The following PTGDS variants were observed in gnomAD, a reference collection of about 807,000 sequenced individuals.
PTGDS encodes prostaglandin-H2 D-isomerase.
Under a neutral mutation model 28.4 loss-of-function variants are expected in PTGDS, and 21 were observed. That is an observed-to-expected ratio of 0.74 (90% confidence interval 0.52 to 1.07). The LOEUF is 1.07. Ranked by LOEUF, PTGDS falls within the 50% of genes least tolerant of loss-of-function variation. The pLI, the probability that PTGDS is intolerant of heterozygous loss-of-function variation, is 0.00. For missense variants in PTGDS, 243 were observed against 247.7 expected, an observed-to-expected ratio of 0.98 and a Z score of 0.13; for synonymous variants, 102 against 106.0, an observed-to-expected ratio of 0.96 and a Z score of 0.23.
In PTGDS at chr9:136,979,922, C is replaced by T. The variant is rs369826322; in HGVS notation, c.332-24C>T. 3.7e-6 allele frequency: 6 copies of T among 1,604,710 alleles called. No homozygotes were observed. The African/African-American group carries it at 5.4e-5, about 14-fold the overall frequency. On this transcript the variant is annotated intron_variant, in intron 3 of 6. Transcript: ENST00000371625. The stretch of plus-strand genomic sequence containing the variant: ...GAGGTTTGGGGGGCTGAGTCCCCGA[C>T]AGGGTTGTCTCTTGGGTTCCCAGAC...
intron 1 of PTGDS, 81 bp downstream of exon 1, chr9:136,977,773 TGG>T: frequency 7.8e-7 from 1 of 1,276,882 alleles, no homozygotes. Flanking sequence ...GTCTTCCCCC[TGG>T]GAGGAGTGAG....
chr9:136,980,550 G>C (rs2131398126), intron 5 of PTGDS: 2 of 1,114,472 alleles, frequency 1.8e-6, no homozygotes, highest in South Asian at 3.3e-5. Context: ...CAGCCTGGTG[G>C]GGGGCATAGG....
At chr9:136,980,727 G>T in intron 5 of PTGDS, 106 bp from the exon 6 acceptor site, 1 of 1,612,656 alleles carries the variant, frequency 6.2e-7, no homozygotes, top group Non-Finnish European at 8.5e-7. Flanking sequence ...CAGTTTGGGG[G>T]CTCAGTCAAG....
At chr9:136,978,200 A>T (rs1277176079) in intron 1 of PTGDS, among the ~76,000 whole-genome samples, 1 of 151,332 alleles carries the variant, frequency 6.6e-6, no homozygotes, top group Non-Finnish European at 1.5e-5. Context: ...GGCGTCGAGG[A>T]GAACCCCAGC....
chr9:136,978,884 C>A, intron 1 of PTGDS, 109 bp from the exon 2 acceptor site: 1 of 1,334,466 alleles, frequency 7.5e-7, no homozygotes, highest in Non-Finnish European at 9.7e-7. Flanking sequence ...GGCGTGGGGG[C>A]GGGGCCGGGT....
Position 136,977,618 on chromosome 9 carries a change from C to T in PTGDS, c.40C>T (p.Leu14=), listed in dbSNP as rs150560538. The T allele has an allele frequency of 6.8e-4, 1,096 of 1,609,588 alleles. 5 individuals are homozygous for T. The highest frequency in any genetic ancestry group is 2.8e-3 in the Middle Eastern group (17 of 6,050). ...CACACTGTGGATGGGACTGGCCCTGCTGGGGGTGCTGGGCGACCTGCAGGC... is the reference window on the plus strand; with the variant it reads ...CACACTGTGGATGGGACTGGCCCTGTTGGGGGTGCTGGGCGACCTGCAGGC... The part of the protein sequence containing the change: ...HHTLWMGLAL[L]GVLGDLQAAP... Residue 14 remains leucine (L), a synonymous_variant, in exon 1 of 7, where the codon CTG becomes TTG. Transcript: ENST00000371625.
Position 136,978,037 on chromosome 9 carries a change from C to A in PTGDS, c.114+345C>A, listed in dbSNP as rs1382525301. Among the ~76,000 whole-genome samples the A allele has an allele frequency of 5.3e-5, 8 of 152,148 alleles. No individual in the cohort carries two copies. In the East Asian group the frequency reaches 1.5e-3, roughly 29 times the overall value. On this transcript the variant is annotated intron_variant, in intron 1 of 6. Transcript: ENST00000371625. ...CCACACCTGGGTGCCAGGACACGGG[C>A]GGGTGGGGCACAGGGATGGCGACAA... is the stretch of plus-strand genomic sequence containing the variant.
At chr9:136,979,476 C>G (rs1411600609) in intron 3 of PTGDS, 177 bp downstream of exon 3, 1 of 1,530,876 alleles carries the variant, frequency 6.5e-7, no homozygotes, top group Non-Finnish European at 8.8e-7. Flanking sequence ...GTGTTAGGGA[C>G]AGAGAGACCC....
chr9:136,977,826 G>A (rs1013682593), intron 1 of PTGDS, 134 bp downstream of exon 1: 12 of 856,946 alleles, frequency 1.4e-5, no homozygotes, highest in Admixed American at 6.8e-5. Context: ...CAGGGACTGA[G>A]CGGGCGCGCA....
chr9:136,977,700 G>A lies in PTGDS; in HGVS notation c.114+8G>A. 7 of 1,575,214 alleles carry A rather than the reference G, an allele frequency of 4.4e-6. No homozygotes were observed. Among genetic ancestry groups the A allele is most frequent in the Non-Finnish European group, 5.2e-6 (6 of 1,162,236 alleles). ...AACTTCCAGCAGGACAAGGTGAGGG[G>A]CTTTCCTGCGTCATCCCCAAGGGCT... On this transcript the variant is annotated splice_region_variant and intron_variant, in intron 1 of 6. Transcript: ENST00000371625.
At chr9:136,978,926 C>A (rs765353024) in intron 1 of PTGDS, 67 bp from the exon 2 acceptor site, 1 of 1,579,062 alleles carries the variant, frequency 6.3e-7, no homozygotes, top group Non-Finnish European at 8.5e-7. Flanking sequence ...GCAGAGGCGC[C>A]CCCGCAGGTA....
At chr9:136,978,127 C>G (rs1830393335) in intron 1 of PTGDS, among the ~76,000 whole-genome samples, 1 of 152,144 alleles carries the variant, frequency 6.6e-6, no homozygotes, top group Non-Finnish European at 1.5e-5. Flanking sequence ...GACGCGCGCT[C>G]TCGCCCGGGA....
Position 136,980,300 on chromosome 9 carries a change from C to T in PTGDS, c.550+16C>T, listed in dbSNP as rs374720373. On this transcript the variant is annotated intron_variant, in intron 5 of 6. Transcript: ENST00000371625. ...CCCCAAACCGGTGAGGGGTCCTAATCTGATGGGGAGAGGATCAAGGTCAGA... is the reference window on the plus strand; with the variant it reads ...CCCCAAACCGGTGAGGGGTCCTAATTTGATGGGGAGAGGATCAAGGTCAGA... 2.0e-5 allele frequency: 33 copies of T among 1,611,658 alleles called. No individual in the cohort carries two copies. The highest frequency in any genetic ancestry group is 2.7e-5 in the Non-Finnish European group (32 of 1,178,196).
rs2131397324 is a variant in PTGDS at position 136,979,318 on chromosome 9, G to A, written c.331+19G>A. The A allele has an allele frequency of 2.5e-6, 4 of 1,600,494 alleles. No homozygotes were observed. Among genetic ancestry groups the A allele is most frequent in the Non-Finnish European group, 3.4e-6 (4 of 1,174,242 alleles). On this transcript the variant is annotated intron_variant, in intron 3 of 6. Transcript: ENST00000371625. ...AGTCCCCGTGAGTGGGGCCTCCACC[G>A]GCCCCCTGGGCCCAGCCTGGGGGCG...
In PTGDS at chr9:136,980,783, T is replaced by C. The variant is rs190538500; in HGVS notation, c.551-50T>C. On this transcript the variant is annotated intron_variant, in intron 5 of 6. Transcript: ENST00000371625. ...GGAACAGGAAGCCCAGTGGGAAAATTGGCCTAAGTCTGGGGTTCTGACGAC... is the reference window on the plus strand; with the variant it reads ...GGAACAGGAAGCCCAGTGGGAAAATCGGCCTAAGTCTGGGGTTCTGACGAC... The C allele has an allele frequency of 1.9e-6, 3 of 1,613,950 alleles. No individual in the cohort carries two copies. The African/African-American group carries it at 4.0e-5, about 22-fold the overall frequency.
Position 136,979,114 on chromosome 9 carries a change from T to C in PTGDS, c.236T>C (p.Leu79Pro). 6.2e-7 allele frequency: 1 copy of C among 1,612,524 alleles called. No homozygotes were observed. Among genetic ancestry groups the C allele is most frequent in the South Asian group, 1.1e-5 (1 of 91,054 alleles). Reference protein sequence around the residue: ...VAPATDGGLNLTSTFLRKNQC... With the variant: ...VAPATDGGLNPTSTFLRKNQC... ...CCTGCCACGGATGGTGGCCTCAACC[T>C]GACCTCCACCTTCCTCAGGTGGGAC... The change falls in exon 2 of 7, where the codon CTG becomes CCG. Residue 79 changes from leucine to proline, a missense_variant. By Grantham distance (98) the Leu-to-Pro change is moderately conservative (BLOSUM62 -3). Transcript: ENST00000371625.
chr9:136,980,096 C>T (rs773391949), intron 4 of PTGDS, 34 bp downstream of exon 4: 6 of 1,606,428 alleles, frequency 3.7e-6, no homozygotes, highest in South Asian at 1.1e-5. Flanking sequence ...CACACGCAGG[C>T]CTGACCAGAG....
intron 3 of PTGDS, chr9:136,979,697 G>A (rs1010403278): frequency 6.6e-6 from 4 of 608,354 alleles, no homozygotes; most frequent in South Asian, 1.9e-5. Context: ...TTCTGGCAGC[G>A]ACTTCTGCGG....
rs952705619 is a variant in PTGDS, at chr9:136,979,829, T to C, written c.332-117T>C. 7.1e-6 allele frequency: 7 copies of C among 984,152 alleles called. No homozygotes were observed. In the African/African-American group the frequency reaches 1.1e-4, roughly 16 times the overall value. The allele number at this position is 984,152 out of a possible 1,614,324, so 61.0% of individuals were successfully genotyped here. On this transcript the variant is annotated intron_variant, in intron 3 of 6. Transcript: ENST00000371625. Reference sequence around the variant, plus strand: ...TGGAGAGCAGCCGGGTGGGGGAGCATCCCGGGCCAGCCGAGGGGCTGAGTG... The same window carrying C: ...TGGAGAGCAGCCGGGTGGGGGAGCACCCCGGGCCAGCCGAGGGGCTGAGTG...
Sources: gnomAD v4.1 joint callset for allele counts (sites outside exome capture counted in the v4.1 genomes callset) on GRCh38, gnomAD v4.1.1 for gene constraint, MANE v1.5 for transcripts, NCBI Gene and HGNC (gene_info 2026-07-23, HGNC 2026-07-21) for gene names.